The following PIR variants were observed in gnomAD, a reference collection of about 807,000 sequenced individuals.
The protein encoded by PIR is pirin.
Under a neutral mutation model 24.2 loss-of-function variants are expected in PIR, and 22 were observed. The ratio of observed to expected loss-of-function variants is 0.91; its 90% CI spans 0.65 to 1.30. The LOEUF is 1.30. Among genes scored for constraint, PIR ranks in the 50% most tolerant of loss-of-function variants. The pLI is 0.00. For synonymous variants in PIR, 80 were observed against 79.6 expected (o/e 1.00, Z -0.03); for missense variants, 220 against 220.3 (o/e 1.00, Z 0.01).
intron 9 of PIR, among the ~76,000 whole-genome samples, chrX:15,389,302 T>G (rs1028249911): frequency 9.0e-6 from 1 of 111,571 alleles, no homozygotes. Flanking sequence ...TACAAAATGG[T>G]TGTCAAATGC....
At chrX:15,458,312 T>C (rs182061088) in intron 4 of PIR, among the ~76,000 whole-genome samples, 58 of 111,659 alleles carry the variant, frequency 5.2e-4, no homozygotes, top group African/African-American at 1.9e-3. Flanking sequence ...TAAATCCCCA[T>C]TTCCTCATTT....
chrX:15,477,331 T>C (rs1266153372), intron 3 of PIR, among the ~76,000 whole-genome samples: 1 of 111,567 alleles, frequency 9.0e-6, no homozygotes, highest in Non-Finnish European at 1.9e-5. Flanking sequence ...TCTATATAGT[T>C]GCCATGATCA....
chrX:15,433,542 AAGAGAG>A (rs201848939), intron 5 of PIR, among the ~76,000 whole-genome samples: 9,511 of 62,068 alleles, frequency 0.15, 991 homozygotes, highest in African/African-American at 0.2. Flanking sequence ...GAAAGAAAGA[AAGAGAG>A]AGAAAGAAAG....
intron 5 of PIR, among the ~76,000 whole-genome samples, chrX:15,446,479 A>T (rs2147051555): frequency 8.9e-6 from 1 of 111,960 alleles, no homozygotes; most frequent in South Asian, 3.8e-4. Flanking sequence ...CAAAGAAAAA[A>T]AAAATCACAA....
chrX:15,404,274 T>G (rs1924488681), intron 7 of PIR, among the ~76,000 whole-genome samples: 1 of 112,381 alleles, frequency 8.9e-6, no homozygotes, highest in Non-Finnish European at 1.9e-5. Context: ...GTGCTGGGAT[T>G]ACAGGCGTGA....
chrX:15,394,781 A>G (rs140472153), intron 8 of PIR, among the ~76,000 whole-genome samples: 312 of 112,074 alleles, frequency 2.8e-3, no homozygotes, highest in Non-Finnish European at 4.8e-3. Flanking sequence ...TCTGGAGTTG[A>G]TTCCAATCTC....
intron 3 of PIR, among the ~76,000 whole-genome samples, chrX:15,468,823 A>C (rs975336783): frequency 8.9e-6 from 1 of 112,814 alleles, no homozygotes. Context: ...TTAAGTTTAC[A>C]TAACAATTGT....
intron 3 of PIR, among the ~76,000 whole-genome samples, chrX:15,479,059 ATAT>A (rs994205238): frequency 2.7e-5 from 3 of 112,273 alleles, no homozygotes; most frequent in African/African-American, 9.7e-5. Context: ...AAGTGCCACA[ATAT>A]TATGTTACAC....
chrX:15,398,205 C>T (rs1044848189), intron 7 of PIR, among the ~76,000 whole-genome samples: 40 of 111,122 alleles, frequency 3.6e-4, no homozygotes, highest in African/African-American at 1.1e-3. Context: ...ATGTAACAAA[C>T]CTGCATGTTG....
chrX:15,418,855 C>A (rs1925016018), intron 6 of PIR, among the ~76,000 whole-genome samples: 1 of 111,924 alleles, frequency 8.9e-6, no homozygotes, highest in South Asian at 3.7e-4. Context: ...CTATTGCTAT[C>A]CAATTAGTCT....
At chrX:15,395,379 G>A (rs1924096950) in intron 8 of PIR, among the ~76,000 whole-genome samples, 1 of 111,798 alleles carries the variant, frequency 8.9e-6, no homozygotes, top group Non-Finnish European at 1.9e-5. Context: ...AGAGTTTTAG[G>A]CTTTATTTGT....
At chrX:15,482,879 T>C (rs1922581887) in intron 2 of PIR, among the ~76,000 whole-genome samples, 1 of 111,285 alleles carries the variant, frequency 9.0e-6, no homozygotes, top group South Asian at 3.7e-4. Flanking sequence ...CTGGTCCTGC[T>C]GTCTTTGTTA....
intron 5 of PIR, among the ~76,000 whole-genome samples, chrX:15,453,144 G>A (rs182894427): frequency 1.8e-5 from 2 of 111,689 alleles, no homozygotes; most frequent in East Asian, 5.6e-4. Context: ...ATCACCAGTT[G>A]CTCCCTATCT....
intron 2 of PIR, among the ~76,000 whole-genome samples, chrX:15,480,935 G>C: frequency 8.9e-6 from 1 of 112,098 alleles, no homozygotes; most frequent in Non-Finnish European, 1.9e-5. Context: ...AGAATATCTA[G>C]AAGGTTATCT....
intron 1 of PIR, among the ~76,000 whole-genome samples, chrX:15,491,738 G>A (rs1435545956): frequency 1.8e-5 from 2 of 111,011 alleles, no homozygotes; most frequent in African/African-American, 6.6e-5. Context: ...TACTCACCAC[G>A]GTGTTGCAGT....
At chrX:15,395,702 C>T (rs768512635) in intron 8 of PIR, among the ~76,000 whole-genome samples, 1 of 112,604 alleles carries the variant, frequency 8.9e-6, no homozygotes, top group South Asian at 3.7e-4. Flanking sequence ...AGATTCAAAC[C>T]TTCAGAATTT....
At chrX:15,415,937 G>A (rs1924900524) in intron 6 of PIR, among the ~76,000 whole-genome samples, 2 of 110,072 alleles carry the variant, frequency 1.8e-5, no homozygotes, top group African/African-American at 6.6e-5. Flanking sequence ...TACATTTAAG[G>A]CATTTTTACT....
At chrX:15,427,662 G>T (rs1308558940) in intron 5 of PIR, among the ~76,000 whole-genome samples, 2 of 107,236 alleles carry the variant, frequency 1.9e-5, no homozygotes, top group Non-Finnish European at 3.8e-5. Context: ...TATATATGAA[G>T]ATATATATGA....
intron 7 of PIR, among the ~76,000 whole-genome samples, chrX:15,402,492 A>G (rs1388336665): frequency 8.9e-6 from 1 of 111,943 alleles, no homozygotes; most frequent in Non-Finnish European, 1.9e-5. Flanking sequence ...GGGAGTATCC[A>G]TCCCCTCAAG....
Sources: gnomAD v4.1 joint callset for allele counts (sites outside exome capture counted in the v4.1 genomes callset) on GRCh38, gnomAD v4.1.1 for gene constraint, MANE v1.5 for transcripts, NCBI Gene and HGNC (gene_info 2026-07-23, HGNC 2026-07-21) for gene names.